The following CACNA2D1 variants were observed in gnomAD, a reference collection of about 807,000 sequenced individuals.
CACNA2D1 encodes voltage-dependent calcium channel subunit alpha-2/delta-1.
In CACNA2D1, 53 loss-of-function variants were observed where a neutral mutation model predicts 171.5. The ratio of observed to expected loss-of-function variants is 0.31; its 90% CI spans 0.25 to 0.39. CACNA2D1 has a LOEUF of 0.39. CACNA2D1 is among the 10% of genes least tolerant of loss of function. CACNA2D1 has a pLI of 1.00. For missense variants in CACNA2D1, 903 were observed against 1,299.8 expected (o/e 0.69, Z 4.69); for synonymous variants, 442 against 443.1 (o/e 1.00, Z 0.03).
intron 1 of CACNA2D1, among the ~76,000 whole-genome samples, chr7:82,411,024 CT>C (rs1827590126): frequency 6.6e-6 from 1 of 152,092 alleles, no homozygotes; most frequent in African/African-American, 2.4e-5. Context: ...ATGTTTATTC[CT>C]TTAATACTTT....
intron 2 of CACNA2D1, among the ~76,000 whole-genome samples, chr7:82,342,006 A>T (rs1818707464): frequency 7.1e-6 from 1 of 141,516 alleles, no homozygotes; most frequent in African/African-American, 2.6e-5. Flanking sequence ...GTGAGCTGAG[A>T]TCGCGCCACG....
At chr7:81,982,534 T>C (rs758825489) in intron 24 of CACNA2D1, 33 bp downstream of exon 24, 5 of 1,277,110 alleles carry the variant, frequency 3.9e-6, no homozygotes, top group Non-Finnish European at 3.4e-6. Flanking sequence ...TAGCTACTGA[T>C]AGAAGATGTA....
intron 10 of CACNA2D1, among the ~76,000 whole-genome samples, chr7:82,044,753 G>C (rs1221923219): frequency 6.6e-6 from 1 of 152,020 alleles, no homozygotes; most frequent in African/African-American, 2.4e-5. Flanking sequence ...TTTTGGCTGT[G>C]CTTGTTTTAT....
In CACNA2D1 at chr7:81,971,076, G is replaced by A. The variant is rs552958317; in HGVS notation, c.2142-339C>T. ...CTGGTGTTTGGTATAGAAAAAAAAC[G>A]TAAGACAAAAGGAGAGAAACAGTAA... On this transcript the variant is annotated intron_variant, in intron 26 of 38. Coordinates refer to ENST00000356860, the MANE Select transcript of CACNA2D1 (RefSeq NM_000722.4). 52 of 262,846 alleles carry A rather than the reference G, an allele frequency of 2.0e-4. 1 individual carries two copies. The highest frequency in any genetic ancestry group is 1.4e-3 in the Middle Eastern group (1 of 706). The allele number at this position is 262,846 out of a possible 1,614,324, so 16.3% of individuals were successfully genotyped here.
At chr7:82,356,002 C>A (rs1820378123) in intron 1 of CACNA2D1, among the ~76,000 whole-genome samples, 1 of 151,984 alleles carries the variant, frequency 6.6e-6, no homozygotes, top group Admixed American at 6.6e-5. Context: ...GTTGGAAAAT[C>A]ATCTCCCCAG....
intron 3 of CACNA2D1, among the ~76,000 whole-genome samples, chr7:82,290,304 T>C (rs931643601): frequency 6.6e-6 from 1 of 152,138 alleles, no homozygotes; most frequent in East Asian, 1.9e-4. Flanking sequence ...TAATTGTTGT[T>C]ATTTTAATTT....
At chr7:82,164,925 G>A (rs1795285565) in intron 4 of CACNA2D1, among the ~76,000 whole-genome samples, 1 of 151,908 alleles carries the variant, frequency 6.6e-6, no homozygotes, top group South Asian at 2.1e-4. Flanking sequence ...GTTACGGAGA[G>A]GCTAATGAAA....
At chr7:82,213,043 G>A (rs564029517) in intron 3 of CACNA2D1, among the ~76,000 whole-genome samples, 2 of 149,878 alleles carry the variant, frequency 1.3e-5, no homozygotes, top group South Asian at 4.3e-4. Context: ...TGGGATTACT[G>A]GTGCCCACAC....
intron 3 of CACNA2D1, among the ~76,000 whole-genome samples, chr7:82,254,795 A>C (rs1026510823): frequency 2.0e-5 from 3 of 152,138 alleles, no homozygotes; most frequent in Non-Finnish European, 4.4e-5. Context: ...TTTTTGCTCT[A>C]ACATAGGTAG....
intron 3 of CACNA2D1, among the ~76,000 whole-genome samples, chr7:82,251,508 T>C (rs1563260701): frequency 6.6e-6 from 1 of 152,192 alleles, no homozygotes; most frequent in East Asian, 1.9e-4. Flanking sequence ...TATAAAATAA[T>C]TTAAGAGTAC....
intron 2 of CACNA2D1, among the ~76,000 whole-genome samples, chr7:82,336,446 T>C (rs1013688531): frequency 2.0e-5 from 3 of 152,222 alleles, no homozygotes; most frequent in African/African-American, 7.2e-5. Context: ...AAGATTTAAA[T>C]CAATTTTTGC....
At chr7:82,323,185 T>C (rs1274322417) in intron 3 of CACNA2D1, among the ~76,000 whole-genome samples, 3 of 152,114 alleles carry the variant, frequency 2.0e-5, no homozygotes, top group African/African-American at 4.8e-5. Flanking sequence ...TGTTTCTCTA[T>C]ATTTACTTTC....
intron 7 of CACNA2D1, among the ~76,000 whole-genome samples, chr7:82,079,723 AAC>A (rs1188591161): frequency 6.6e-6 from 1 of 151,592 alleles, no homozygotes; most frequent in Non-Finnish European, 1.5e-5. Context: ...GACGTCATAG[AAC>A]ACAGAGTCTA....
At chr7:82,080,156 T>TAC (rs1184992782) in intron 7 of CACNA2D1, among the ~76,000 whole-genome samples, 1 of 7,634 alleles carries the variant, frequency 1.3e-4, no homozygotes, top group African/African-American at 7.6e-4. Flanking sequence ...TATACCTATA[T>TAC]ATGTATATAG....
intron 3 of CACNA2D1, among the ~76,000 whole-genome samples, chr7:82,274,013 T>C (rs982041721): frequency 6.6e-6 from 1 of 152,134 alleles, no homozygotes. Context: ...TAGAAGACCA[T>C]ATGTCATTTG....
At chr7:82,221,578 C>T (rs1801764679) in intron 3 of CACNA2D1, among the ~76,000 whole-genome samples, 1 of 151,940 alleles carries the variant, frequency 6.6e-6, no homozygotes, top group South Asian at 2.1e-4. Flanking sequence ...AATCCCATCT[C>T]TATTAAAAAT....
intron 3 of CACNA2D1, among the ~76,000 whole-genome samples, chr7:82,324,041 T>C (rs148036428): frequency 1.3e-4 from 20 of 152,268 alleles, no homozygotes; most frequent in African/African-American, 4.3e-4. Flanking sequence ...ATGCACTCTC[T>C]AGCACTGAGA....
At chr7:82,035,847 G>C (rs1803235340) in intron 11 of CACNA2D1, among the ~76,000 whole-genome samples, 1 of 151,972 alleles carries the variant, frequency 6.6e-6, no homozygotes, top group African/African-American at 2.4e-5. Flanking sequence ...TAATCTAACG[G>C]TTAATTACAG....
chr7:82,403,665 G>T (rs1234442576), intron 1 of CACNA2D1, among the ~76,000 whole-genome samples: 1 of 152,168 alleles, frequency 6.6e-6, no homozygotes, highest in Non-Finnish European at 1.5e-5. Context: ...CCACTGTCAA[G>T]GTTGAAGAGA....
Sources: allele counts gnomAD v4.1 joint callset (sites outside exome capture counted in the v4.1 genomes callset), GRCh38; gene constraint gnomAD v4.1.1; transcripts MANE v1.5; gene names NCBI Gene and HGNC (gene_info 2026-07-23, HGNC 2026-07-21).